AGBL4: variants seen among roughly 807,000 people sequenced by gnomAD.
AGBL4 encodes the protein cytosolic carboxypeptidase 6.
Under a neutral mutation model 66.4 loss-of-function variants are expected in AGBL4, and 58 were observed. The observed-to-expected ratio is 0.87, with a 90% CI of 0.71 to 1.09. The LOEUF (loss-of-function observed/expected upper bound fraction) is 1.09. AGBL4 is among the 50% of genes least tolerant of loss of function. AGBL4 has a pLI of 0.00. For missense variants in AGBL4, 579 were observed against 631.0 expected, an observed-to-expected ratio of 0.92 and a Z score of 0.88; for synonymous variants, 234 against 222.9, an observed-to-expected ratio of 1.05 and a Z score of -0.44.
intron 4 of AGBL4, among the ~76,000 whole-genome samples, chr1:49,091,992 A>G (rs1645012267): frequency 6.6e-6 from 1 of 152,114 alleles, no homozygotes; most frequent in African/African-American, 2.4e-5. Context: ...TTGAGTACAT[A>G]TGGACACAAA....
At chr1:48,564,279 G>A (rs1644440877) in intron 11 of AGBL4, among the ~76,000 whole-genome samples, 1 of 152,018 alleles carries the variant, frequency 6.6e-6, no homozygotes, top group South Asian at 2.1e-4. Context: ...GTCCCTTTCT[G>A]ACTTAAACCT....
intron 2 of AGBL4, among the ~76,000 whole-genome samples, chr1:49,805,313 T>A (rs1644952175): frequency 6.6e-6 from 1 of 152,132 alleles, no homozygotes; most frequent in African/African-American, 2.4e-5. Flanking sequence ...TTAATGAACT[T>A]GAGAAGAGCA....
intron 9 of AGBL4, among the ~76,000 whole-genome samples, chr1:48,622,457 A>C (rs1346352001): frequency 1.3e-5 from 2 of 150,142 alleles, no homozygotes; most frequent in Non-Finnish European, 3.0e-5. Context: ...ATGCTCAAGG[A>C]ATCTTTTATT....
chr1:49,641,559 T>G (rs1645781013), intron 3 of AGBL4, among the ~76,000 whole-genome samples: 1 of 152,132 alleles, frequency 6.6e-6, no homozygotes, highest in African/African-American at 2.4e-5. Flanking sequence ...TCTTTTATCT[T>G]AGAGGCATTT....
At chr1:49,145,157 G>A (rs1029458210) in intron 4 of AGBL4, among the ~76,000 whole-genome samples, 1 of 152,010 alleles carries the variant, frequency 6.6e-6, no homozygotes, top group Non-Finnish European at 1.5e-5. Context: ...AGGGAGGAAA[G>A]GATAAGATTT....
chr1:49,690,087 C>A (rs553215359), intron 3 of AGBL4, among the ~76,000 whole-genome samples: 1 of 152,226 alleles, frequency 6.6e-6, no homozygotes, highest in African/African-American at 2.4e-5. Flanking sequence ...CCTTCACCAG[C>A]CAAAAAGATT....
chr1:49,064,288 C>A (rs1280807542), intron 4 of AGBL4, among the ~76,000 whole-genome samples: 1 of 152,178 alleles, frequency 6.6e-6, no homozygotes, highest in Non-Finnish European at 1.5e-5. Context: ...TTAAATGACT[C>A]CTTCTCTGTT....
intron 1 of AGBL4, among the ~76,000 whole-genome samples, chr1:49,883,683 T>G (rs373658380): frequency 2.0e-5 from 3 of 152,080 alleles, no homozygotes; most frequent in East Asian, 1.9e-4. Flanking sequence ...GTTAAGAGCA[T>G]AGTGGTCATG....
chr1:49,577,683 T>C (rs1348018194), intron 3 of AGBL4, among the ~76,000 whole-genome samples: 2 of 152,194 alleles, frequency 1.3e-5, no homozygotes, highest in Non-Finnish European at 2.9e-5. Flanking sequence ...AGCAAGGCGC[T>C]CACTTTACCG....
At chr1:48,635,217 T>C (rs1645649449) in intron 8 of AGBL4, among the ~76,000 whole-genome samples, 1 of 152,190 alleles carries the variant, frequency 6.6e-6, no homozygotes, top group South Asian at 2.1e-4. Flanking sequence ...TGGATTCAAG[T>C]GCTCCAGTTA....
At chr1:49,980,854 ACT>A (rs1659000411) in intron 1 of AGBL4, among the ~76,000 whole-genome samples, 1 of 152,146 alleles carries the variant, frequency 6.6e-6, no homozygotes, top group Non-Finnish European at 1.5e-5. Context: ...TCTGTAAAAC[ACT>A]CTGGCTAATT....
chr1:48,595,619 C>T (rs1644983163), intron 9 of AGBL4, among the ~76,000 whole-genome samples: 1 of 152,252 alleles, frequency 6.6e-6, no homozygotes, highest in Non-Finnish European at 1.5e-5. Context: ...CAGCAGCCAG[C>T]AGCTCCTCTT....
Position 49,996,728 on chromosome 1 carries a change from T to C in AGBL4, c.34+27035A>G, listed in dbSNP as rs183125853. 2.6e-3 allele frequency among the ~76,000 whole-genome samples: 399 copies of C among 152,276 alleles called. 3 individuals carry two copies. Among genetic ancestry groups the C allele is most frequent in the African/African-American group, 9.3e-3 (388 of 41,566 alleles). On this transcript the variant is annotated intron_variant, in intron 1 of 13. Transcript: ENST00000371839. Reference sequence around the variant, plus strand: ...GCACAAAGAACACCTGGGAAATTCATCACAAAAAGATCACTGCCTAGGCAC... The same window carrying C: ...GCACAAAGAACACCTGGGAAATTCACCACAAAAAGATCACTGCCTAGGCAC...
chr1:49,395,400 A>G (rs761102200), intron 3 of AGBL4, among the ~76,000 whole-genome samples: 2 of 152,032 alleles, frequency 1.3e-5, no homozygotes, highest in Admixed American at 6.6e-5. Context: ...TGAATGAATG[A>G]AAGACTGCAT....
intron 3 of AGBL4, among the ~76,000 whole-genome samples, chr1:49,340,099 T>TC (rs1380059529): frequency 6.6e-6 from 1 of 152,124 alleles, no homozygotes; most frequent in African/African-American, 2.4e-5. Flanking sequence ...AAATCCATGT[T>TC]CTTTTTTTTC....
chr1:49,664,636 A>G (rs780441807), intron 3 of AGBL4, among the ~76,000 whole-genome samples: 13 of 152,226 alleles, frequency 8.5e-5, no homozygotes, highest in South Asian at 2.1e-4. Flanking sequence ...TGAAATTTCA[A>G]CGGTGCATAA....
At chr1:49,594,642 T>C (rs1450902500) in intron 3 of AGBL4, among the ~76,000 whole-genome samples, 1 of 152,200 alleles carries the variant, frequency 6.6e-6, no homozygotes, top group Non-Finnish European at 1.5e-5. Flanking sequence ...TTGTGTTAGT[T>C]TGCTGAGAAT....
intron 9 of AGBL4, among the ~76,000 whole-genome samples, chr1:48,622,475 ATTTTTTTTTTTT>A (rs35455455): frequency 4.2e-5 from 3 of 71,858 alleles, no homozygotes; most frequent in African/African-American, 1.0e-4. Flanking sequence ...ATTCAAATAC[ATTTTTTTTTTTT>A]TTTTTTTTTT....
chr1:49,399,947 A>AT (rs980711826), intron 3 of AGBL4, among the ~76,000 whole-genome samples: 28 of 151,718 alleles, frequency 1.8e-4, no homozygotes, highest in African/African-American at 5.8e-4. Context: ...AGTTTACCCG[A>AT]TTTTTTCTTG....
Sources: allele counts gnomAD v4.1 joint callset (sites outside exome capture counted in the v4.1 genomes callset), GRCh38; gene constraint gnomAD v4.1.1; transcripts MANE v1.5; gene names NCBI Gene and HGNC (gene_info 2026-07-23, HGNC 2026-07-21).